Variants in SASH1 observed in about 807,000 individuals in gnomAD.
SASH1 encodes the protein SAM and SH3 domain containing 1.
Under a neutral mutation model 125.2 loss-of-function variants are expected in SASH1, and 44 were observed. The ratio of observed to expected loss-of-function variants is 0.35; its 90% confidence interval spans 0.28 to 0.45. SASH1 has a LOEUF of 0.45. Ranked by LOEUF, SASH1 falls within the 20% of genes least tolerant of loss-of-function variation. The probability of loss-of-function intolerance (pLI) is 1.00; values close to 1 mark genes in which losing one functional copy is unlikely to be tolerated. For synonymous variants in SASH1, 639 were observed against 649.1 expected (o/e 0.98, Z 0.24); for missense variants, 1,426 against 1,614.5 (o/e 0.88, Z 2.00).
intron 9 of SASH1, among the ~76,000 whole-genome samples, chr6:148,515,848 C>T (rs1780405819): frequency 6.6e-6 from 1 of 152,070 alleles, no homozygotes; most frequent in Admixed American, 6.6e-5. Flanking sequence ...CATGAACACT[C>T]GGCCAAAATC....
chr6:148,540,977 C>T (rs1001553082), intron 17 of SASH1, among the ~76,000 whole-genome samples: 12 of 152,018 alleles, frequency 7.9e-5, no homozygotes, highest in African/African-American at 2.4e-4. Context: ...ATTGGATGGC[C>T]ACATGTCTTG....
At chr6:148,462,514 A>C (rs557651607) in intron 4 of SASH1, among the ~76,000 whole-genome samples, 2 of 152,286 alleles carry the variant, frequency 1.3e-5, no homozygotes, top group East Asian at 3.9e-4. Flanking sequence ...AGTTTGAGCC[A>C]TAGTATTTGG....
chr6:148,271,832 C>T (rs183457201), upstream of SASH1, among the ~76,000 whole-genome samples: 835 of 152,206 alleles, frequency 5.5e-3, 29 homozygotes, highest in Admixed American at 0.048. Context: ...TCCTCCCTTC[C>T]TTTTCTTGAG....
intron 1 of SASH1, among the ~76,000 whole-genome samples, chr6:148,310,766 G>A (rs1050401794): frequency 2.6e-5 from 4 of 152,020 alleles, no homozygotes; most frequent in African/African-American, 9.7e-5. Context: ...TTAGTCATCA[G>A]GAAAATGCAA....
At chr6:148,247,777 TA>T in the SASH1 span, among the ~76,000 whole-genome samples, 2 of 152,204 alleles carry the variant, frequency 1.3e-5, no homozygotes, top group Non-Finnish European at 2.9e-5. Context: ...TCATAGAAAC[TA>T]AAACCGAATG....
At chr6:148,294,873 A>C (rs1283862576) in intron 1 of SASH1, among the ~76,000 whole-genome samples, 1 of 152,198 alleles carries the variant, frequency 6.6e-6, no homozygotes, top group East Asian at 1.9e-4. Context: ...TCTAGTCTCC[A>C]CCACTCCCTG....
intron 1 of SASH1, among the ~76,000 whole-genome samples, chr6:148,336,013 T>C (rs1043603712): frequency 1.3e-5 from 2 of 152,126 alleles, no homozygotes; most frequent in Admixed American, 1.3e-4. Flanking sequence ...TCAAGGTGCC[T>C]GTGTCATCAC....
chr6:148,292,737 A>G (rs1779667431), intron 1 of SASH1, among the ~76,000 whole-genome samples: 1 of 152,162 alleles, frequency 6.6e-6, no homozygotes, highest in South Asian at 2.1e-4. Flanking sequence ...CGTAGGTTCA[A>G]TGCCAGGCTT....
chr6:148,353,593 C>G (rs1009010361), intron 1 of SASH1, among the ~76,000 whole-genome samples: 1 of 152,116 alleles, frequency 6.6e-6, no homozygotes, highest in Non-Finnish European at 1.5e-5. Flanking sequence ...CACCACCACA[C>G]CTGGCTAATT....
Position 148,468,581 on chromosome 6 carries a change from T to A in SASH1, c.423T>A (p.Ser141=). 1 of 1,600,732 alleles carries A rather than the reference T, an allele frequency of 6.2e-7. No individual in the cohort carries two copies. Among genetic ancestry groups the A allele is most frequent in the Non-Finnish European group, 8.6e-7 (1 of 1,169,446 alleles). The change falls in exon 5 of 20, where the codon TCT becomes TCA. Residue 141 remains serine (S), a synonymous_variant. Coordinates refer to ENST00000367467, the MANE Select transcript of SASH1 (RefSeq NM_015278.5). ...ATAAATCAAACTCAGAAGACAGCTC[T>A]GTAGGTCAGTACCACTTTTCTTGGT... is the stretch of plus-strand genomic sequence containing the variant. ...PLHKSNSEDS[S]VGKGDWKKKN...
rs1706934160 is a variant in SASH1, at chr6:148,516,114, C to CT, written c.862+1659dup. The stretch of plus-strand genomic sequence containing the variant: ...GAAAAATATAGCAAAAGGGATAACT[C>CT]TAACGTAAAAAGTAATAACCATATG... On this transcript the variant is annotated intron_variant, in intron 9 of 19. Transcript: ENST00000367467. Among the ~76,000 whole-genome samples the CT allele has an allele frequency of 2.6e-5, 4 of 152,322 alleles. No homozygotes were observed. The South Asian group carries it at 8.3e-4, about 32-fold the overall frequency.
intron 4 of SASH1, among the ~76,000 whole-genome samples, chr6:148,460,773 A>C (rs930107591): frequency 2.0e-5 from 3 of 152,212 alleles, no homozygotes; most frequent in Non-Finnish European, 4.4e-5. Flanking sequence ...CTTAATCATT[A>C]TGTGTGTTGT....
chr6:148,527,276 A>G lies in SASH1; in HGVS notation c.1285-177A>G, dbSNP rs150431159. 8 of 544,798 alleles carry G rather than the reference A, an allele frequency of 1.5e-5. No individual in the cohort carries two copies. The East Asian group carries it at 1.8e-4, about 12-fold the overall frequency. 33.7% of individuals were successfully genotyped at this position (544,798 alleles called of 1,614,324 possible). A position where few individuals can be genotyped will look rare whatever the true frequency, so the allele number is the denominator to read the frequency against. On this transcript the variant is annotated intron_variant, in intron 11 of 19. Transcript: ENST00000367467. ...CACTTTAAGCAAACAAAAATAGTCA[A>G]TAAGCTTTAATTTTTAATCAAAGAG...
intron 2 of SASH1, among the ~76,000 whole-genome samples, chr6:148,421,420 C>T (rs906024008): frequency 2.6e-5 from 4 of 152,218 alleles, no homozygotes; most frequent in Non-Finnish European, 4.4e-5. Flanking sequence ...TCTCCTGCCT[C>T]GGCCTCCCAA....
At chr6:148,461,179 T>C (rs1562430749) in intron 4 of SASH1, among the ~76,000 whole-genome samples, 1 of 152,144 alleles carries the variant, frequency 6.6e-6, no homozygotes, top group East Asian at 1.9e-4. Context: ...AGTCAAGGCT[T>C]AGATTGGTGG....
At chr6:148,211,952 G>A in the SASH1 span, among the ~76,000 whole-genome samples, 576 of 152,322 alleles carry the variant, frequency 3.8e-3, 2 homozygotes, top group Non-Finnish European at 7.2e-3. Flanking sequence ...GATTTGCTGC[G>A]TCATTGTCAA....
chr6:148,206,696 A>G, the SASH1 span, among the ~76,000 whole-genome samples: 1 of 151,772 alleles, frequency 6.6e-6, no homozygotes, highest in Non-Finnish European at 1.5e-5. Context: ...AGGCTGAGAC[A>G]GGAGAATCGC....
the SASH1 span, among the ~76,000 whole-genome samples, chr6:148,248,839 T>C: frequency 6.6e-6 from 1 of 152,242 alleles, no homozygotes; most frequent in African/African-American, 2.4e-5. Context: ...GAAGTGTTGG[T>C]AGAACTACCT....
chr6:148,424,680 C>T (rs545150621), intron 2 of SASH1, among the ~76,000 whole-genome samples: 1 of 152,302 alleles, frequency 6.6e-6, no homozygotes, highest in East Asian at 1.9e-4. Flanking sequence ...CTCCTCTTAA[C>T]TTTAAAATCC....
Sources: gnomAD v4.1 joint callset for allele counts (sites outside exome capture counted in the v4.1 genomes callset) on GRCh38, gnomAD v4.1.1 for gene constraint, MANE v1.5 for transcripts, NCBI Gene and HGNC (gene_info 2026-07-23, HGNC 2026-07-21) for gene names.